The following BCL2L11 variants were observed in gnomAD, a reference collection of about 807,000 sequenced individuals.
BCL2L11 encodes BCL2 like 11, also known as bcl-2-like protein 11.
BCL2L11 carries 15 observed loss-of-function variants against 20.6 expected under a neutral mutation model. That is an observed-to-expected ratio of 0.73 (90% CI 0.49 to 1.12). The LOEUF (loss-of-function observed/expected upper bound fraction) is 1.12, where lower values mean the gene tolerates loss of function less well. Among genes scored for constraint, BCL2L11 ranks in the 50% most tolerant of loss-of-function variants. The pLI, the probability that BCL2L11 is intolerant of heterozygous loss-of-function variation, is 0.00. For synonymous variants in BCL2L11, 108 were observed against 92.8 expected (o/e 1.16, Z -0.94); for missense variants, 292 against 260.9 (o/e 1.12, Z -0.82).
At chr2:111,164,084 C>CA in intron 3 of BCL2L11, 49 bp from the exon 4 acceptor site, 4 of 898,124 alleles carry the variant, frequency 4.5e-6, no homozygotes, top group Non-Finnish European at 5.5e-6. Flanking sequence ...CACCCCTCCC[C>CA]ACCCCCAAAT....
chr2:111,124,045 CACAG>C lies in BCL2L11; in HGVS notation c.305_308del (p.Asp102GlyfsTer6). ...CCTCCAGTGGGTATTTCTCTTTTGA[CACAG>C]ACAGGAGCCCAGCACCCATGAGTTG... On this transcript the variant is annotated frameshift_variant, in exon 2 of 4. Transcript: ENST00000393256. LOFTEE classifies it high-confidence loss of function. The C allele has an allele frequency of 1.2e-6, 2 of 1,614,060 alleles. No homozygotes were observed. The highest frequency in any genetic ancestry group is 1.1e-5 in the South Asian group (1 of 91,094).
intron 3 of BCL2L11, among the ~76,000 whole-genome samples, chr2:111,154,084 C>T (rs1330091862): frequency 6.6e-6 from 1 of 152,186 alleles, no homozygotes; most frequent in East Asian, 1.9e-4. Context: ...GCAAGAATGA[C>T]ACAAAGAACC....
At chr2:111,150,785 A>G (rs943682429) in intron 3 of BCL2L11, among the ~76,000 whole-genome samples, 2 of 152,194 alleles carry the variant, frequency 1.3e-5, no homozygotes, top group East Asian at 1.9e-4. Context: ...ATTTTAGCCT[A>G]TGTCATCTTC....
chr2:111,123,415 A>G, intron 1 of BCL2L11: 1 of 985,468 alleles, frequency 1.0e-6, no homozygotes, highest in Non-Finnish European at 1.2e-6. Context: ...TACTCGAAGA[A>G]GTCTGTCCTG....
chr2:111,123,636 AC>A lies in BCL2L11; in HGVS notation c.-13-94del. On this transcript the variant is annotated intron_variant, in intron 1 of 3. Transcript: ENST00000393256. ...GTATAGAACAAAGTATTTGGGATTA[AC>A]CCTAAGAATTTTTAATCGCTAGGTG... The A allele has an allele frequency of 4.0e-6, 5 of 1,254,530 alleles. No individual in the cohort carries two copies. In the South Asian group the frequency reaches 1.5e-4, roughly 38 times the overall value. The allele number at this position is 1,254,530 out of a possible 1,614,324, so 77.7% of individuals were successfully genotyped here. A position where few individuals can be genotyped will look rare whatever the true frequency, so the allele number is the denominator to read the frequency against.
chr2:111,148,949 C>T (rs2076914423), intron 2 of BCL2L11, among the ~76,000 whole-genome samples: 1 of 152,120 alleles, frequency 6.6e-6, no homozygotes, highest in African/African-American at 2.4e-5. Flanking sequence ...AAGTTATGTT[C>T]CTTCGTATGG....
intron 2 of BCL2L11, among the ~76,000 whole-genome samples, chr2:111,133,821 G>A (rs1394193417): frequency 1.3e-5 from 2 of 152,144 alleles, no homozygotes; most frequent in African/African-American, 4.8e-5. Flanking sequence ...TGAGAATGTG[G>A]TGCTGAAATC....
intron 2 of BCL2L11, among the ~76,000 whole-genome samples, chr2:111,133,698 T>C (rs1326145697): frequency 1.3e-5 from 2 of 152,230 alleles, no homozygotes; most frequent in Non-Finnish European, 2.9e-5. Flanking sequence ...TGTATTCTGC[T>C]GCTATTGGGT....
intron 2 of BCL2L11, among the ~76,000 whole-genome samples, chr2:111,141,818 C>T (rs1015853437): frequency 6.6e-6 from 1 of 151,894 alleles, no homozygotes; most frequent in Admixed American, 6.6e-5. Flanking sequence ...CCTGCCTCAG[C>T]CTCCTGAGTA....
At chr2:111,162,300 G>A (rs1450322214) in intron 3 of BCL2L11, among the ~76,000 whole-genome samples, 1 of 152,226 alleles carries the variant, frequency 6.6e-6, no homozygotes, top group Non-Finnish European at 1.5e-5. Flanking sequence ...CCGTCTGAGA[G>A]GGCAGGCATC....
intron 3 of BCL2L11, chr2:111,154,023 G>A: frequency 8.9e-7 from 1 of 1,128,200 alleles, no homozygotes; most frequent in Non-Finnish European, 1.1e-6. Flanking sequence ...TACTACTCCA[G>A]TGGATTTTGG....
chr2:111,146,338 A>AT, intron 2 of BCL2L11: 1 of 668,346 alleles, frequency 1.5e-6, no homozygotes, highest in Non-Finnish European at 1.9e-6. Context: ...AAAATAAAAT[A>AT]TTTATGCTTG....
rs532555072 is a variant in BCL2L11 at position 111,131,833 on chromosome 2, G to C, written c.394+7694G>C. On this transcript the variant is annotated intron_variant, in intron 2 of 3. Coordinates refer to ENST00000393256, the MANE Select transcript of BCL2L11 (RefSeq NM_138621.5). Reference sequence around the variant, plus strand: ...TGAGCCATAGGGAAAGTGTATATATGCTTCAGAAGGGATGTATAGGACAGT... The same window carrying C: ...TGAGCCATAGGGAAAGTGTATATATCCTTCAGAAGGGATGTATAGGACAGT... 8 of 152,274 alleles carry C rather than the reference G, an allele frequency of 5.3e-5. No homozygotes were observed. In the East Asian group the frequency reaches 1.5e-3, roughly 29 times the overall value. The allele number at this position is 152,274 out of a possible 1,614,324, so 9.4% of individuals were successfully genotyped here.
At chr2:111,122,903 C>T (rs943861812) in intron 1 of BCL2L11, 2 of 985,116 alleles carry the variant, frequency 2.0e-6, no homozygotes, top group South Asian at 4.7e-5. Flanking sequence ...GGACGCTGCG[C>T]TCTGAAGGGA....
In BCL2L11 at chr2:111,123,906, G is replaced by C. The variant is rs1317202682; in HGVS notation, c.161G>C (p.Ser54Thr). The change falls in exon 2 of 4, where the codon AGC becomes ACC. Residue 54 changes from serine to threonine, a missense_variant. Coordinates refer to ENST00000393256, the MANE Select transcript of BCL2L11 (RefSeq NM_138621.5). ...PEGNHGGEGD[S>T]CPHGSPQGPL... ...GGCAATCACGGAGGTGAAGGGGACA[G>C]CTGCCCCCACGGCAGCCCTCAGGGC... 1 of 1,612,790 alleles carries C rather than the reference G, an allele frequency of 6.2e-7. No individual in the cohort carries two copies. The highest frequency in any genetic ancestry group is 2.2e-5 in the East Asian group (1 of 44,898).
intron 2 of BCL2L11, among the ~76,000 whole-genome samples, chr2:111,142,043 A>G (rs1263782118): frequency 6.6e-6 from 1 of 152,174 alleles, no homozygotes; most frequent in Non-Finnish European, 1.5e-5. Context: ...TGTGTTTCTC[A>G]TCTAGGATAC....
At chr2:111,144,515 A>G in intron 2 of BCL2L11, 1 of 1,550,556 alleles carries the variant, frequency 6.4e-7, no homozygotes. Context: ...CAGCTCCATC[A>G]CCCAGGTGAG....
chr2:111,128,215 C>A (rs960348767), intron 2 of BCL2L11, among the ~76,000 whole-genome samples: 1 of 152,090 alleles, frequency 6.6e-6, no homozygotes, highest in Non-Finnish European at 1.5e-5. Flanking sequence ...CCATGACAGG[C>A]TTATTTCACT....
intron 2 of BCL2L11, chr2:111,146,313 C>A: frequency 1.2e-6 from 1 of 819,012 alleles, no homozygotes; most frequent in Non-Finnish European, 1.5e-6. Flanking sequence ...GGCGGTCAGA[C>A]ACATTGCAGA....
Sources: allele counts gnomAD v4.1 joint callset (sites outside exome capture counted in the v4.1 genomes callset), GRCh38; gene constraint gnomAD v4.1.1; transcripts MANE v1.5; gene names NCBI Gene and HGNC (gene_info 2026-07-23, HGNC 2026-07-21).